Variants in PHIP observed in about 807,000 individuals in gnomAD.
PHIP encodes PHIP subunit of CUL4-Ring ligase complex.
In PHIP, 54 loss-of-function variants were observed where a neutral mutation model predicts 236.8. The observed-to-expected ratio is 0.23, with a 90% CI of 0.18 to 0.29. The LOEUF (loss-of-function observed/expected upper bound fraction) is 0.29, where lower values mean the gene tolerates loss of function less well. Among genes scored for constraint, PHIP ranks in the 10% least tolerant of loss-of-function variants. The probability of loss-of-function intolerance (pLI) is 1.00; values close to 1 mark genes in which losing one functional copy is unlikely to be tolerated. For missense variants in PHIP, 1,370 were observed against 2,190.8 expected (o/e 0.63, Z 7.48); for synonymous variants, 756 against 718.9 (o/e 1.05, Z -0.83).
chr6:79,019,157 G>A lies in PHIP; in HGVS notation c.926C>T (p.Pro309Leu). 6.2e-7 allele frequency: 1 copy of A among 1,607,306 alleles called. No homozygotes were observed. The highest frequency in any genetic ancestry group is 8.5e-7 in the Non-Finnish European group (1 of 1,174,246). ...GCGCTCTGTAAATTTTGCAGGTCTT[G>A]GGCTGTAATACAAAAAATAAAGAAT... ...LWDAGTLKIN[P>L]RPAKFTERPR... The change falls in exon 10 of 40, where the codon CCA (proline) becomes CTA (leucine). Residue 309 changes from proline to leucine, a missense_variant and splice_region_variant. Pro to Leu is a moderately conservative substitution (Grantham distance 98, BLOSUM62 -3). Around this residue, in one of 14 missense-constraint regions of PHIP, gnomAD observed 188 missense variants for 354.3 expected, o/e 0.53. Coordinates refer to ENST00000275034, the MANE Select transcript of PHIP (RefSeq NM_017934.7).
In PHIP at chr6:79,078,139, C is replaced by T. The variant is rs537638302; in HGVS notation, c.-71G>A. 6 of 1,490,480 alleles carry T rather than the reference C, an allele frequency of 4.0e-6. No individual in the cohort carries two copies. The highest frequency in any genetic ancestry group is 2.8e-5 in the African/African-American group (2 of 72,054). 92.3% of individuals were successfully genotyped at this position (1,490,480 alleles called of 1,614,324 possible). ...AGGGGAAGCGGGGACGGTGCCGCCGCCTGCCCTATAGCTGTCAGTGTGTGT... is the reference window on the plus strand; with the variant it reads ...AGGGGAAGCGGGGACGGTGCCGCCGTCTGCCCTATAGCTGTCAGTGTGTGT... On this transcript the variant is annotated 5_prime_UTR_variant, in exon 1 of 40. Transcript: ENST00000275034.
chr6:79,033,622 GC>G (rs1215998042), intron 7 of PHIP, among the ~76,000 whole-genome samples: 4 of 152,114 alleles, frequency 2.6e-5, no homozygotes, highest in South Asian at 4.1e-4. Flanking sequence ...CTTTGGATTA[GC>G]CTTTGGCTTA....
chr6:79,014,063 G>A (rs1328070694), intron 15 of PHIP, among the ~76,000 whole-genome samples: 1 of 123,238 alleles, frequency 8.1e-6, no homozygotes, highest in Non-Finnish European at 1.8e-5. Flanking sequence ...AGAAATAGAG[G>A]GTTTTACAAA....
intron 23 of PHIP, 146 bp downstream of exon 23, chr6:78,982,740 C>A: frequency 2.0e-6 from 1 of 511,418 alleles, no homozygotes; most frequent in Non-Finnish European, 3.4e-6. Context: ...TTTAGGTAAA[C>A]TTTTTTACTA....
At chr6:78,951,157 C>A (rs1774119357) in intron 35 of PHIP, among the ~76,000 whole-genome samples, 1 of 152,020 alleles carries the variant, frequency 6.6e-6, no homozygotes, top group African/African-American at 2.4e-5. Context: ...ACATTATTGG[C>A]TTTACAAACT....
intron 4 of PHIP, among the ~76,000 whole-genome samples, chr6:79,063,878 A>G (rs567610017): frequency 1.6e-4 from 25 of 152,112 alleles, no homozygotes; most frequent in Non-Finnish European, 2.8e-4. Flanking sequence ...GCTTCCTCTT[A>G]GCAGTCCCTG....
chr6:78,981,701 T>G (rs1036434652), intron 23 of PHIP, among the ~76,000 whole-genome samples: 7 of 152,008 alleles, frequency 4.6e-5, no homozygotes, highest in Non-Finnish European at 8.8e-5. Flanking sequence ...AAAACTGTCC[T>G]GAGATGAAAA....
chr6:79,009,827 A>G (rs1582216711), intron 15 of PHIP, among the ~76,000 whole-genome samples: 1 of 152,158 alleles, frequency 6.6e-6, no homozygotes, highest in African/African-American at 2.4e-5. Context: ...ACAAACTCAC[A>G]TTCATGGCAA....
At chr6:78,998,506 C>A in intron 17 of PHIP, 115 bp from the exon 18 acceptor site, 95 of 634,492 alleles carry the variant, frequency 1.5e-4, no homozygotes, top group South Asian at 4.9e-4. Flanking sequence ...GGGTAAAAGA[C>A]TTAAATGATC....
chr6:78,993,353 A>T (rs951942663), intron 19 of PHIP, among the ~76,000 whole-genome samples: 7 of 152,268 alleles, frequency 4.6e-5, no homozygotes, highest in Admixed American at 2.0e-4. Flanking sequence ...GCTACATTAA[A>T]CAACAGACTT....
intron 15 of PHIP, among the ~76,000 whole-genome samples, chr6:79,005,818 G>C (rs1394355457): frequency 6.6e-6 from 1 of 151,932 alleles, no homozygotes; most frequent in Non-Finnish European, 1.5e-5. Context: ...CTTTTTGGGG[G>C]TGAGGGTTGC....
intron 4 of PHIP, among the ~76,000 whole-genome samples, chr6:79,075,744 G>T (rs1371087661): frequency 6.6e-6 from 1 of 151,942 alleles, no homozygotes; most frequent in Non-Finnish European, 1.5e-5. Context: ...ATTACCAAAA[G>T]ATTAAGAAAA....
At position 79,001,996 on chromosome 6, in the gene PHIP, A is replaced by C. The variant is rs1216420598; in HGVS notation, c.1782T>G (p.Asp594Glu). 85 of 1,613,122 alleles carry C rather than the reference A, an allele frequency of 5.3e-5. No individual in the cohort carries two copies. The highest frequency in any genetic ancestry group is 7.0e-5 in the Non-Finnish European group (82 of 1,179,428). ...GATATCTTGATGGATGAGGGTTACC[A>C]TCAACATCAACCAAAAAAGGGGGAG... Reference protein sequence around the residue: ...LMPPPFLVDVDGNPHPSRYQR... With the variant: ...LMPPPFLVDVEGNPHPSRYQR... Residue 594 changes from aspartate (D) to glutamate (E), a missense_variant, in exon 17 of 40, where the codon GAT becomes GAG. By Grantham distance (45) the Asp-to-Glu change is conservative. Transcript: ENST00000275034.
chr6:78,947,171 C>A (rs1429246840), intron 36 of PHIP, among the ~76,000 whole-genome samples: 1 of 152,172 alleles, frequency 6.6e-6, no homozygotes, highest in African/African-American at 2.4e-5. Context: ...TACACTGAAA[C>A]TATCCCAAAT....
At chr6:78,998,159 A>G in intron 18 of PHIP, 95 bp downstream of exon 18, 1 of 851,520 alleles carries the variant, frequency 1.2e-6, no homozygotes, top group Non-Finnish European at 1.9e-6. Context: ...CATTTTACGG[A>G]TGTACCATAA....
chr6:78,960,408 T>A (rs1356254026), intron 31 of PHIP, among the ~76,000 whole-genome samples: 1 of 152,034 alleles, frequency 6.6e-6, no homozygotes, highest in Non-Finnish European at 1.5e-5. Flanking sequence ...TCTTTAGCAA[T>A]TTAAGGGGTC....
intron 15 of PHIP, among the ~76,000 whole-genome samples, chr6:79,012,856 A>G (rs555916020): frequency 1.8e-4 from 28 of 151,904 alleles, no homozygotes; most frequent in African/African-American, 6.0e-4. Flanking sequence ...GGGCAATTAG[A>G]TAACTCATAA....
intron 7 of PHIP, among the ~76,000 whole-genome samples, chr6:79,032,213 G>A (rs532028968): frequency 6.6e-6 from 1 of 152,344 alleles, no homozygotes; most frequent in African/African-American, 2.4e-5. Flanking sequence ...TTGCCTTGAT[G>A]CTGACAGCTG....
intron 4 of PHIP, among the ~76,000 whole-genome samples, chr6:79,061,579 G>C (rs1212106047): frequency 6.6e-6 from 1 of 151,968 alleles, no homozygotes. Flanking sequence ...AATTTGTTTT[G>C]TTTGGGAATA....
Sources: gnomAD v4.1 joint callset for allele counts (sites outside exome capture counted in the v4.1 genomes callset) on GRCh38, gnomAD v4.1.1 for gene constraint, gnomAD v4.1.1 regional missense constraint, MANE v1.5 for transcripts, NCBI Gene and HGNC (gene_info 2026-07-23, HGNC 2026-07-21) for gene names.